Variants in KCNQ1 observed in about 807,000 individuals in gnomAD.
The protein encoded by KCNQ1 is potassium voltage-gated channel subfamily KQT member 1.
KCNQ1 carries 49 observed loss-of-function variants against 72.4 expected under a neutral mutation model. The observed-to-expected ratio is 0.68, with a 90% CI of 0.54 to 0.86. The LOEUF is 0.86. KCNQ1 is among the 40% of genes least tolerant of loss of function. KCNQ1 has a pLI of 0.00. For missense variants in KCNQ1, 790 were observed against 945.1 expected (o/e 0.84, Z 2.15); for synonymous variants, 450 against 412.6 (o/e 1.09, Z -1.10).
chr11:2,680,603 AT>A, intron 11 of KCNQ1: 1 of 398,562 alleles, frequency 2.5e-6, no homozygotes, highest in Non-Finnish European at 4.4e-6. Flanking sequence ...CGATAGTAAC[AT>A]CTTGCAAAAC....
chr11:2,614,442 C>T, intron 10 of KCNQ1: 2 of 398,390 alleles, frequency 5.0e-6, no homozygotes, highest in Non-Finnish European at 8.8e-6. Flanking sequence ...TGTGTCTTTT[C>T]TAAGAATTTA....
rs780767714 is a variant in KCNQ1 at position 2,471,829 on chromosome 11, C to T, written c.386+26345C>T. Among the ~76,000 whole-genome samples, 12 of 148,130 alleles carry T rather than the reference C, an allele frequency of 8.1e-5. No homozygotes were observed. The highest frequency in any genetic ancestry group is 2.7e-4 in the Admixed American group (4 of 14,952). ...AGGTGTGTGTGCACGTGTATGGGTG[C>T]GTGTGCACCTATGTGTGTATAGGTG... On this transcript the variant is annotated intron_variant, in intron 1 of 15. Transcript: ENST00000155840. This position sits in a 1 kb window ranked among gnomAD's most constrained non-coding sequence, Gnocchi z 4.8.
rs115035741 is a variant in KCNQ1, at chr11:2,793,507, C to T, written c.1794+15470C>T. Among the ~76,000 whole-genome samples the T allele has an allele frequency of 2.9e-3, 438 of 152,250 alleles. 2 individuals are homozygous for T. Among genetic ancestry groups the T allele is most frequent in the African/African-American group, 0.01 (420 of 41,548 alleles). Reference sequence around the variant, plus strand: ...AGCGTGATGGTGTGTGCCTGTGGTCCCGGCTGCTCAGCAGGCTGAGTTAGA... The same window carrying T: ...AGCGTGATGGTGTGTGCCTGTGGTCTCGGCTGCTCAGCAGGCTGAGTTAGA... On this transcript the variant is annotated intron_variant, in intron 15 of 15. Transcript: ENST00000155840.
intron 11 of KCNQ1, chr11:2,675,769 G>C: frequency 2.5e-6 from 1 of 398,720 alleles, no homozygotes; most frequent in South Asian, 1.3e-4. Flanking sequence ...ACAGCACTGT[G>C]TGCGGGGAGC....
rs76081508 is a variant in KCNQ1, at chr11:2,505,995, G to A, written c.387-21933G>A. On this transcript the variant is annotated intron_variant, in intron 1 of 15. Coordinates refer to ENST00000155840, the MANE Select transcript of KCNQ1 (RefSeq NM_000218.3). The stretch of plus-strand genomic sequence containing the variant: ...TTTTCATAAAATTTAATTTGTCCAC[G>A]TGCTTAGCCCCTGTGATCCAGCAAT... Among the ~76,000 whole-genome samples, 684 of 152,218 alleles carry A rather than the reference G, an allele frequency of 4.5e-3. 8 individuals are homozygous for A. The highest frequency in any genetic ancestry group is 0.016 in the African/African-American group (659 of 41,528).
At chr11:2,839,311 C>T (rs1447505197) in intron 15 of KCNQ1, among the ~76,000 whole-genome samples, 1 of 152,242 alleles carries the variant, frequency 6.6e-6, no homozygotes, top group Non-Finnish European at 1.5e-5. Context: ...GTGGGCCCCC[C>T]TGGCTCTGCC....
intron 11 of KCNQ1, among the ~76,000 whole-genome samples, chr11:2,740,231 G>A (rs1048423090): frequency 6.6e-6 from 1 of 152,174 alleles, no homozygotes; most frequent in Admixed American, 6.5e-5. Context: ...GTGGGGGATG[G>A]GGAGTGGGTG....
In KCNQ1 at chr11:2,519,470, T is replaced by C. The variant is rs553997757; in HGVS notation, c.387-8458T>C. The stretch of plus-strand genomic sequence containing the variant: ...TAATTATGTTTTAAAAATTAAGACA[T>C]GAGGCCGGGCATGGTGGCTTACGCC... On this transcript the variant is annotated intron_variant, in intron 1 of 15. Transcript: ENST00000155840. 4.6e-5 allele frequency among the ~76,000 whole-genome samples: 7 copies of C among 152,254 alleles called. No homozygotes were observed. In the South Asian group the frequency reaches 6.2e-4, roughly 14 times the overall value.
Position 2,650,213 on chromosome 11 carries a change from C to A in KCNQ1, c.1394-11748C>A, listed in dbSNP as rs186695371. 491 of 398,340 alleles carry A rather than the reference C, an allele frequency of 1.2e-3. No individual in the cohort carries two copies. The highest frequency in any genetic ancestry group is 1.7e-3 in the Non-Finnish European group (391 of 226,018). 24.7% of individuals were successfully genotyped at this position (398,340 alleles called of 1,614,324 possible). ...TGTTTTCCTGATATGTTTGTATTGT[C>A]TATTTGTGTTCTCTTGTATCTCATT... On this transcript the variant is annotated intron_variant, in intron 10 of 15. Transcript: ENST00000155840.
chr11:2,763,412 A>AC (rs1554918711), intron 11 of KCNQ1, among the ~76,000 whole-genome samples: 1 of 150,884 alleles, frequency 6.6e-6, no homozygotes, highest in Non-Finnish European at 1.5e-5. Context: ...GAAAAAAAAA[A>AC]AAATAAGAAA....
At chr11:2,805,795 CG>C (rs541448879) in intron 15 of KCNQ1, among the ~76,000 whole-genome samples, 3 of 152,152 alleles carry the variant, frequency 2.0e-5, no homozygotes, top group Non-Finnish European at 4.4e-5. Context: ...AAGTATGAGC[CG>C]GTTCCCTGCT....
rs983740324 is a variant in KCNQ1, at chr11:2,770,184, G to A, written c.1590+1265G>A. Among the ~76,000 whole-genome samples the A allele has an allele frequency of 1.2e-4, 18 of 152,210 alleles. 1 individual carries two copies. Among genetic ancestry groups the A allele is most frequent in the South Asian group, 1.0e-3 (5 of 4,818 alleles). On this transcript the variant is annotated intron_variant, in intron 12 of 15. Transcript: ENST00000155840. ...CAGGCCCCAGGATTGACACAGGCCC[G>A]CCCACAGTCTCCTTGGTGGAGCCCC...
rs199473473 is a variant in KCNQ1 at position 2,587,594 on chromosome 11, G to C, written c.1153G>C (p.Glu385Gln). ...IQTAWRCYAA[E>Q]NPDSSTWKIY... ...GACCGCATGGAGGTGCTATGCTGCC[G>C]AGAACCCCGACTCCTCCACCTGGAA... The change falls in exon 9 of 16, where the codon GAG becomes CAG. Residue 385 changes from glutamate (E) to glutamine (Q), a missense_variant. This residue lies in a region of KCNQ1 where 178 missense variants were observed against 177.9 expected (regional missense o/e 1.00). Transcript: ENST00000155840. 1 of 1,613,838 alleles carries C rather than the reference G, an allele frequency of 6.2e-7. No individual in the cohort carries two copies. Among genetic ancestry groups the C allele is most frequent in the Non-Finnish European group, 8.5e-7 (1 of 1,180,010 alleles).
chr11:2,837,524 C>T (rs917059126), intron 15 of KCNQ1, among the ~76,000 whole-genome samples: 1 of 152,238 alleles, frequency 6.6e-6, no homozygotes, highest in African/African-American at 2.4e-5. Flanking sequence ...GAGCAAGAGG[C>T]CATTGAACTG....
At chr11:2,727,922 C>T (rs1488468826) in intron 11 of KCNQ1, among the ~76,000 whole-genome samples, 1 of 152,102 alleles carries the variant, frequency 6.6e-6, no homozygotes, top group East Asian at 1.9e-4. Flanking sequence ...TGATGGCCCC[C>T]GGGGCCGCGC....
At chr11:2,521,006 C>T (rs1269029931) in intron 1 of KCNQ1, among the ~76,000 whole-genome samples, 2 of 136,678 alleles carry the variant, frequency 1.5e-5, no homozygotes, top group Non-Finnish European at 3.1e-5. Context: ...ATTTTGAACC[C>T]TCTGATGCTT....
At position 2,687,107 on chromosome 11, in the gene KCNQ1, T is replaced by C. The variant is rs1346770882; in HGVS notation, c.1514+25026T>C. On this transcript the variant is annotated intron_variant, in intron 11 of 15. Transcript: ENST00000155840. This position sits in a 1 kb window ranked among gnomAD's most constrained non-coding sequence, Gnocchi z 5.0. ...CTGAGTTGGGTGTGACAAGTACACC[T>C]TGACACACAAACTGCACAGGGAGGG... 2 of 398,618 alleles carry C rather than the reference T, an allele frequency of 5.0e-6. No individual in the cohort carries two copies. Among genetic ancestry groups the C allele is most frequent in the Non-Finnish European group, 8.8e-6 (2 of 226,074 alleles). 24.7% of individuals were successfully genotyped at this position (398,618 alleles called of 1,614,324 possible).
At chr11:2,842,480 G>A (rs745826083) in intron 15 of KCNQ1, among the ~76,000 whole-genome samples, 12 of 152,216 alleles carry the variant, frequency 7.9e-5, no homozygotes, top group Non-Finnish European at 1.8e-4. Context: ...TCACCTCTGT[G>A]GCACACACAA....
intron 11 of KCNQ1, chr11:2,689,203 G>T (rs1014026408): frequency 2.5e-6 from 1 of 398,814 alleles, no homozygotes; most frequent in Non-Finnish European, 4.4e-6. Context: ...AGCTCAGCTT[G>T]CTGACTTTGA....
Sources: allele counts gnomAD v4.1 joint callset (sites outside exome capture counted in the v4.1 genomes callset), GRCh38; gene constraint gnomAD v4.1.1; regional missense constraint gnomAD v4.1.1; non-coding constraint Gnocchi (gnomAD v3.1); transcripts MANE v1.5; gene names NCBI Gene and HGNC (gene_info 2026-07-23, HGNC 2026-07-21).